LMF1: variants seen among roughly 807,000 people sequenced by gnomAD.
LMF1 encodes lipase maturation factor 1, also known as transmembrane protein 112.
In LMF1, 68 loss-of-function variants were observed where a neutral mutation model predicts 60.6. That is an observed-to-expected ratio of 1.12 (90% CI 0.92 to 1.37). The LOEUF is 1.37. LMF1 is among the 40% of genes most tolerant of loss of function. The pLI is 0.00. For synonymous variants in LMF1, 418 were observed against 324.7 expected (o/e 1.29, Z -3.09); for missense variants, 948 against 767.2 (o/e 1.24, Z -2.78).
intron 10 of LMF1, among the ~76,000 whole-genome samples, chr16:866,622 G>C (rs1379372783): frequency 6.6e-6 from 1 of 152,114 alleles, no homozygotes; most frequent in African/African-American, 2.4e-5. Context: ...GCATCCCAGT[G>C]AGCCGTTTGG....
In LMF1 at chr16:869,875, TC is replaced by T; in HGVS notation, c.1416+7del. 1 of 1,609,430 alleles carries T rather than the reference TC, an allele frequency of 6.2e-7. No individual in the cohort carries two copies. The highest frequency in any genetic ancestry group is 8.5e-7 in the Non-Finnish European group (1 of 1,178,848). On this transcript the variant is annotated splice_region_variant and intron_variant, in intron 9 of 10. Transcript: ENST00000262301. ...AGGTCCATGCGCCCGCCAGGGACCG[TC>T]CCCCACCTGGAAGGCCGCGAACCAC... is the stretch of plus-strand genomic sequence containing the variant.
intron 2 of LMF1, among the ~76,000 whole-genome samples, chr16:938,826 A>G (rs2072014311): frequency 6.6e-6 from 1 of 152,212 alleles, no homozygotes; most frequent in Non-Finnish European, 1.5e-5. Flanking sequence ...AAGCAATTTA[A>G]AACAGGATGT....
At chr16:912,789 G>A (rs2071157780) in intron 3 of LMF1, among the ~76,000 whole-genome samples, 1 of 152,216 alleles carries the variant, frequency 6.6e-6, no homozygotes, top group Non-Finnish European at 1.5e-5. Flanking sequence ...TGTTTTCTTT[G>A]CTTGGGTCTT....
chr16:929,904 C>T (rs1192516267), intron 3 of LMF1, among the ~76,000 whole-genome samples: 2 of 151,744 alleles, frequency 1.3e-5, no homozygotes, highest in Non-Finnish European at 2.9e-5. Context: ...TGGTCGTGTA[C>T]GTGTGAACGG....
upstream of LMF1, chr16:981,491 A>T (rs2073376248): frequency 8.0e-6 from 2 of 249,090 alleles, no homozygotes; most frequent in South Asian, 6.0e-5. Context: ...GAAGCGCCGG[A>T]GACCCCCCTG....
At chr16:956,556 T>C (rs1156415716) in intron 1 of LMF1, among the ~76,000 whole-genome samples, 1 of 152,188 alleles carries the variant, frequency 6.6e-6, no homozygotes, top group Non-Finnish European at 1.5e-5. Flanking sequence ...AAAAAGTAGA[T>C]TTAAGGGCTG....
intron 3 of LMF1, among the ~76,000 whole-genome samples, chr16:912,675 G>C (rs1008602942): frequency 2.6e-5 from 4 of 152,184 alleles, no homozygotes; most frequent in African/African-American, 9.6e-5. Flanking sequence ...TCACGCCCCA[G>C]GCTCGCTGGG....
Position 926,299 on chromosome 16 carries a change from CTGTG to C in LMF1, c.514+7941_514+7944del, listed in dbSNP as rs747301800. On this transcript the variant is annotated intron_variant, in intron 3 of 10. Coordinates refer to ENST00000262301, the MANE Select transcript of LMF1 (RefSeq NM_022773.4). ...GTTTGCATATGATCTGCATACGTGT[CTGTG>C]TGCATGTATGTGCGTGTTTGCATAA... 4.0e-5 allele frequency among the ~76,000 whole-genome samples: 6 copies of C among 151,496 alleles called. No individual in the cohort carries two copies. The East Asian group carries it at 7.8e-4, about 20-fold the overall frequency.
intron 1 of LMF1, chr16:980,874 A>AGGGCCGCCCCGCCGGAG (rs2073334750): frequency 6.6e-6 from 1 of 151,786 alleles, no homozygotes; most frequent in African/African-American, 2.4e-5. Flanking sequence ...CGGACCACCC[A>AGGGCCGCCCCGCCGGAG]GGGCCGCCCC....
chr16:936,383 C>T (rs1472192121), intron 2 of LMF1, among the ~76,000 whole-genome samples: 5 of 131,724 alleles, frequency 3.8e-5, no homozygotes, highest in South Asian at 2.7e-4. Context: ...GGGGGTACCC[C>T]GTGGGCTGAG....
chr16:897,840 A>G lies in LMF1; in HGVS notation c.664-4768T>C, dbSNP rs1294046282. ...TCCGTGGCTTTCCTGTCTTCCTGGG[A>G]TGGTTTCCGCACTTTCTTGCCCTCA... On this transcript the variant is annotated intron_variant, in intron 4 of 10. Transcript: ENST00000262301. This position sits in a 1 kb window ranked among gnomAD's most constrained non-coding sequence, Gnocchi z 4.3. Among the ~76,000 whole-genome samples the G allele has an allele frequency of 6.6e-6, 1 of 152,086 alleles. No individual in the cohort carries two copies. The highest frequency in any genetic ancestry group is 1.5e-5 in the Non-Finnish European group (1 of 68,020).
chr16:868,855 A>C, intron 10 of LMF1, 89 bp downstream of exon 10: 2 of 826,306 alleles, frequency 2.4e-6, no homozygotes, highest in South Asian at 2.8e-5. Context: ...TCCCGTGAGC[A>C]GGTGGGGGTG....
At chr16:926,487 T>G (rs1357869123) in intron 3 of LMF1, among the ~76,000 whole-genome samples, 1 of 152,232 alleles carries the variant, frequency 6.6e-6, no homozygotes, top group Non-Finnish European at 1.5e-5. Context: ...TGTGCGCATG[T>G]GCGCACGTGT....
chr16:868,662 G>T (rs1391693563), intron 10 of LMF1, among the ~76,000 whole-genome samples: 2 of 151,964 alleles, frequency 1.3e-5, no homozygotes, highest in African/African-American at 2.4e-5. Context: ...CTGTGAGCCG[G>T]GGTCACCCTG....
chr16:854,379 C>T lies in LMF1; in HGVS notation c.*153G>A, dbSNP rs1205514376. ...AGCCGCCACAGTATGTGACAACAGA[C>T]CCCACCCTGGACCCCCGTGCTGGGG... On this transcript the variant is annotated 3_prime_UTR_variant, in exon 11 of 11. Coordinates refer to ENST00000262301, the MANE Select transcript of LMF1 (RefSeq NM_022773.4). The T allele has an allele frequency of 4.7e-6, 4 of 845,226 alleles. No homozygotes were observed. The Admixed American group carries it at 6.1e-5, about 13-fold the overall frequency. The allele number at this position is 845,226 out of a possible 1,614,324, so 52.4% of individuals were successfully genotyped here. A position where few individuals can be genotyped will look rare whatever the true frequency, so the allele number is the denominator to read the frequency against.
rs199574499 is a variant in LMF1, at chr16:950,936, GC to G, written c.503+3420del. 7.2e-3 allele frequency among the ~76,000 whole-genome samples: 1,076 copies of G among 150,468 alleles called. 53 individuals are homozygous for G. The highest frequency in any genetic ancestry group is 0.025 in the African/African-American group (1,021 of 40,522). On this transcript the variant is annotated intron_variant, in intron 2 of 10. Transcript: ENST00000262301. ...ACAGAGTCAGCCAATGACAGAGTCA[GC>G]CAATGACAGAGTCAGAGCCAACGAC...
At chr16:893,325 C>T (rs1167276242) in intron 4 of LMF1, 4 of 601,710 alleles carry the variant, frequency 6.6e-6, no homozygotes, top group South Asian at 6.1e-5. Context: ...TCCTTTGCGC[C>T]TTCCCCAACA....
intron 10 of LMF1, among the ~76,000 whole-genome samples, chr16:860,068 C>T (rs908868504): frequency 4.0e-5 from 6 of 149,196 alleles, no homozygotes; most frequent in Admixed American, 4.0e-4. Context: ...GGTGAAACGT[C>T]TCTGTGCTCA....
rs781259146 is a variant in LMF1, at chr16:954,402, G to T, written c.458C>A (p.Ala153Asp). 6.8e-6 allele frequency: 11 copies of T among 1,612,826 alleles called. No homozygotes were observed. Among genetic ancestry groups the T allele is most frequent in the South Asian group, 1.1e-5 (1 of 90,930 alleles). ...CAGGGACATGTAGAGGCCCCACAGG[G>T]CAGCCATGAGAAGCATGTTGGCGCA... The part of the protein sequence containing the change: ...TGCANMLLMA[A>D]LWGLYMSLVN... The change falls in exon 2 of 11, where the codon GCC becomes GAC. Residue 153 changes from alanine (A) to aspartate (D), a missense_variant. By Grantham distance (126) the Ala-to-Asp change is moderately radical. Transcript: ENST00000262301.
Sources: gnomAD v4.1 joint callset for allele counts (sites outside exome capture counted in the v4.1 genomes callset) on GRCh38, gnomAD v4.1.1 for gene constraint, Gnocchi (gnomAD v3.1) non-coding constraint, MANE v1.5 for transcripts, NCBI Gene and HGNC (gene_info 2026-07-23, HGNC 2026-07-21) for gene names.